The following THEMIS variants were observed in gnomAD, a reference collection of about 807,000 sequenced individuals.
THEMIS encodes protein THEMIS.
THEMIS carries 37 observed loss-of-function variants against 52.6 expected under a neutral mutation model. The observed-to-expected ratio is 0.70, with a 90% CI of 0.54 to 0.93. The LOEUF (loss-of-function observed/expected upper bound fraction) is 0.93, where lower values mean the gene tolerates loss of function less well. Ranked by LOEUF, THEMIS falls within the 40% of genes least tolerant of loss-of-function variation. The pLI is 0.00. For synonymous variants in THEMIS, 292 were observed against 272.7 expected, an observed-to-expected ratio of 1.07 and a Z score of -0.70; for missense variants, 808 against 763.1, an observed-to-expected ratio of 1.06 and a Z score of -0.69.
At chr6:127,785,921 T>C (rs1459765410) in intron 4 of THEMIS, among the ~76,000 whole-genome samples, 1 of 152,160 alleles carries the variant, frequency 6.6e-6, no homozygotes, top group Non-Finnish European at 1.5e-5. Flanking sequence ...ATTTTCTTTT[T>C]CTGACAGGCT....
intron 2 of THEMIS, among the ~76,000 whole-genome samples, chr6:127,843,925 G>T (rs1322623292): frequency 6.6e-6 from 1 of 151,972 alleles, no homozygotes; most frequent in Non-Finnish European, 1.5e-5. Context: ...AATCTTCAGA[G>T]ACTCCATTCC....
At chr6:127,706,441 G>A (rs1583181739), downstream of THEMIS, among the ~76,000 whole-genome samples, 1 of 152,118 alleles carries the variant, frequency 6.6e-6, no homozygotes, top group South Asian at 2.1e-4. Context: ...TCAGACCTGG[G>A]CAGTCTGGCT....
At chr6:127,902,261 G>C (rs541812551), upstream of THEMIS, among the ~76,000 whole-genome samples, 2 of 147,272 alleles carry the variant, frequency 1.4e-5, no homozygotes, top group African/African-American at 5.0e-5. Flanking sequence ...GGAGTTTGAG[G>C]CTACAGTGAG....
chr6:127,800,752 C>T (rs948222084), intron 4 of THEMIS, among the ~76,000 whole-genome samples: 1 of 152,142 alleles, frequency 6.6e-6, no homozygotes, highest in Non-Finnish European at 1.5e-5. Context: ...CCTAGCTTCC[C>T]AGCCTACATC....
chr6:127,703,929 G>A (rs756631016), downstream of THEMIS, among the ~76,000 whole-genome samples: 1 of 152,124 alleles, frequency 6.6e-6, no homozygotes, highest in Non-Finnish European at 1.5e-5. Flanking sequence ...GAAGATTTGA[G>A]GTCTGGTCAG....
At chr6:127,839,594 C>T (rs1778979197) in intron 2 of THEMIS, among the ~76,000 whole-genome samples, 2 of 152,034 alleles carry the variant, frequency 1.3e-5, no homozygotes, top group Non-Finnish European at 2.9e-5. Flanking sequence ...CCTCGAACTC[C>T]TGGGTTCATG....
chr6:127,762,536 C>A (rs754418079), intron 4 of THEMIS, among the ~76,000 whole-genome samples: 2 of 151,996 alleles, frequency 1.3e-5, no homozygotes, highest in African/African-American at 2.4e-5. Flanking sequence ...AATATACTAC[C>A]ATTCATCTCT....
intron 1 of THEMIS, among the ~76,000 whole-genome samples, chr6:127,916,775 T>C (rs111696816): frequency 0.018 from 2,681 of 152,256 alleles, 86 homozygotes; most frequent in African/African-American, 0.061. Context: ...CCAGAGTCGG[T>C]TTCTGTTGCT....
At chr6:127,896,196 G>T (rs775684382) in intron 1 of THEMIS, among the ~76,000 whole-genome samples, 1 of 150,890 alleles carries the variant, frequency 6.6e-6, no homozygotes, top group Non-Finnish European at 1.5e-5. Flanking sequence ...ACTGAAAATT[G>T]CTCTCAGTGG....
At chr6:127,710,818 C>T (rs77842522) in intron 5 of THEMIS, among the ~76,000 whole-genome samples, 7,191 of 151,938 alleles carry the variant, frequency 0.047, 180 homozygotes, top group East Asian at 0.092. Context: ...ATCTCTCTGA[C>T]CCTCCCCTGC....
At chr6:127,733,792 A>G (rs146783650) in intron 4 of THEMIS, among the ~76,000 whole-genome samples, 1,949 of 152,302 alleles carry the variant, frequency 0.013, 24 homozygotes, top group Middle Eastern at 0.024. Context: ...CTCACAGACA[A>G]AACAATCCTA....
intron 4 of THEMIS, among the ~76,000 whole-genome samples, chr6:127,784,400 C>CT (rs1583273603): frequency 6.6e-6 from 1 of 151,950 alleles, no homozygotes; most frequent in Non-Finnish European, 1.5e-5. Flanking sequence ...AAAAAATTCC[C>CT]TTTTTTCCAG....
At chr6:127,753,778 G>A (rs1318829831) in intron 4 of THEMIS, among the ~76,000 whole-genome samples, 1 of 151,868 alleles carries the variant, frequency 6.6e-6, no homozygotes, top group African/African-American at 2.4e-5. Flanking sequence ...GGTGGTCAAA[G>A]GATACAAAGT....
At chr6:127,737,219 G>A (rs1775040655) in intron 4 of THEMIS, among the ~76,000 whole-genome samples, 1 of 152,108 alleles carries the variant, frequency 6.6e-6, no homozygotes, top group Admixed American at 6.5e-5. Flanking sequence ...TTTGAATATG[G>A]GAAATCTGCC....
Position 127,749,211 on chromosome 6 carries a change from C to T in THEMIS, c.1759-29388G>A, listed in dbSNP as rs185429632. The stretch of plus-strand genomic sequence containing the variant: ...CTATTTTTCTTTTATCTGAAAAAGC[C>T]GCTTATTGTTACAGCTATGGCCTTC... On this transcript the variant is annotated intron_variant, in intron 4 of 5. Transcript: ENST00000368248. 2.1e-3 allele frequency among the ~76,000 whole-genome samples: 319 copies of T among 152,072 alleles called. 1 individual carries two copies. The highest frequency in any genetic ancestry group is 3.5e-3 in the Non-Finnish European group (238 of 67,970).
At chr6:127,791,446 G>A (rs944157609) in intron 4 of THEMIS, among the ~76,000 whole-genome samples, 1 of 152,172 alleles carries the variant, frequency 6.6e-6, no homozygotes, top group Non-Finnish European at 1.5e-5. Flanking sequence ...GTCTGGCTGA[G>A]TCCAAGATTT....
chr6:127,772,886 T>C (rs1451522252), intron 4 of THEMIS, among the ~76,000 whole-genome samples: 1 of 152,186 alleles, frequency 6.6e-6, no homozygotes, highest in Non-Finnish European at 1.5e-5. Flanking sequence ...GAATTATTAC[T>C]CTATAGAATA....
downstream of THEMIS, among the ~76,000 whole-genome samples, chr6:127,707,913 T>G (rs371712450): frequency 5.9e-5 from 9 of 152,138 alleles, no homozygotes; most frequent in East Asian, 1.2e-3. Context: ...ACTGCTTGAC[T>G]GATTCAATTA....
At chr6:127,819,025 C>A (rs914691270) in intron 3 of THEMIS, among the ~76,000 whole-genome samples, 2 of 138,922 alleles carry the variant, frequency 1.4e-5, no homozygotes, top group African/African-American at 5.4e-5. Context: ...GAGGCTGAGA[C>A]AGGAGAATTG....
Sources: gnomAD v4.1 joint callset for allele counts (sites outside exome capture counted in the v4.1 genomes callset) on GRCh38, gnomAD v4.1.1 for gene constraint, MANE v1.5 for transcripts, NCBI Gene and HGNC (gene_info 2026-07-23, HGNC 2026-07-21) for gene names.